EXOC6B: variants seen among roughly 807,000 people sequenced by gnomAD.
EXOC6B encodes exocyst complex component 6B, also known as SEC15 homolog B.
A neutral mutation model predicts 113.5 loss-of-function variants in EXOC6B; 54 were observed. The ratio of observed to expected loss-of-function variants is 0.48; its 90% CI spans 0.38 to 0.60. EXOC6B has a LOEUF of 0.60. Among genes scored for constraint, EXOC6B ranks in the 20% least tolerant of loss-of-function variants. The pLI is 0.00. For missense variants in EXOC6B, 797 were observed against 977.5 expected, an observed-to-expected ratio of 0.82 and a Z score of 2.46; for synonymous variants, 357 against 339.0, an observed-to-expected ratio of 1.05 and a Z score of -0.58.
At position 72,662,056 on chromosome 2, in the gene EXOC6B, AGAAG is replaced by A. The variant is rs1327886699; in HGVS notation, c.669+56043_669+56046del. ...AGGGGAGAAAGAAAGAAGAAAGGAA[AGAAG>A]GAAGGAAGGGAGGAAAGGGAGGGGG... On this transcript the variant is annotated intron_variant, in intron 6 of 21. Coordinates refer to ENST00000272427, the MANE Select transcript of EXOC6B (RefSeq NM_015189.3). Among the ~76,000 whole-genome samples, 9 of 130,394 alleles carry A rather than the reference AGAAG, an allele frequency of 6.9e-5. 1 individual carries two copies. The highest frequency in any genetic ancestry group is 2.5e-4 in the African/African-American group (9 of 35,778). 85.5% of individuals were successfully genotyped at this position (130,394 alleles called of 152,430 possible). A position where few individuals can be genotyped will look rare whatever the true frequency, so the allele number is the denominator to read the frequency against.
chr2:72,270,525 G>C (rs886622381), intron 20 of EXOC6B, among the ~76,000 whole-genome samples: 2 of 152,096 alleles, frequency 1.3e-5, no homozygotes, highest in African/African-American at 4.8e-5. Flanking sequence ...GAAACCTTCA[G>C]TGAAGTCCAT....
chr2:72,378,562 A>C (rs1314571340), intron 19 of EXOC6B, among the ~76,000 whole-genome samples: 1 of 152,188 alleles, frequency 6.6e-6, no homozygotes, highest in Non-Finnish European at 1.5e-5. Flanking sequence ...GTTTATGGCA[A>C]AAGGGTAACT....
At chr2:72,270,056 T>G (rs1234163045) in intron 20 of EXOC6B, among the ~76,000 whole-genome samples, 1 of 152,086 alleles carries the variant, frequency 6.6e-6, no homozygotes, top group Non-Finnish European at 1.5e-5. Context: ...CAACCCCTCA[T>G]ATCTTCCCAT....
chr2:72,671,783 G>GAAAGAAAGAA (rs1553464032), intron 6 of EXOC6B, among the ~76,000 whole-genome samples: 92 of 106,170 alleles, frequency 8.7e-4, no homozygotes, highest in African/African-American at 3.0e-3. Context: ...AAGAAAGAAA[G>GAAAGAAAGAA]AAAGAAAGAA....
At chr2:72,525,827 G>A (rs1701723359) in intron 8 of EXOC6B, among the ~76,000 whole-genome samples, 1 of 152,086 alleles carries the variant, frequency 6.6e-6, no homozygotes, top group Non-Finnish European at 1.5e-5. Context: ...CTAAGGGTAT[G>A]TGAGAACAGA....
At chr2:72,604,434 TC>T (rs1670624533) in intron 6 of EXOC6B, among the ~76,000 whole-genome samples, 1 of 152,216 alleles carries the variant, frequency 6.6e-6, no homozygotes. Flanking sequence ...TTGTGAGTGT[TC>T]TTTATGCACC....
At position 72,570,838 on chromosome 2, in the gene EXOC6B, C is replaced by T. The variant is rs139812936; in HGVS notation, c.846+4654G>A. On this transcript the variant is annotated intron_variant, in intron 7 of 21. Coordinates refer to ENST00000272427, the MANE Select transcript of EXOC6B (RefSeq NM_015189.3). Reference sequence around the variant, plus strand: ...ATGTTCATCAGTCCATGCAAATATACATTGTCAAAAATTAGATCAACTTAT... The same window carrying T: ...ATGTTCATCAGTCCATGCAAATATATATTGTCAAAAATTAGATCAACTTAT... Among the ~76,000 whole-genome samples, 779 of 152,182 alleles carry T rather than the reference C, an allele frequency of 5.1e-3. 11 individuals carry two copies. Among genetic ancestry groups the T allele is most frequent in the African/African-American group, 0.017 (720 of 41,526 alleles).
intron 21 of EXOC6B, among the ~76,000 whole-genome samples, chr2:72,181,533 C>T (rs942965448): frequency 1.3e-5 from 2 of 152,178 alleles, no homozygotes; most frequent in African/African-American, 4.8e-5. Flanking sequence ...ACATTAACAA[C>T]AACAGAAAAC....
chr2:72,562,153 C>A (rs1369763967), intron 7 of EXOC6B, among the ~76,000 whole-genome samples: 1 of 152,046 alleles, frequency 6.6e-6, no homozygotes, highest in African/African-American at 2.4e-5. Flanking sequence ...TTGCTTAGTG[C>A]GAGATGTGTT....
At chr2:72,635,755 A>C (rs563382982) in intron 6 of EXOC6B, among the ~76,000 whole-genome samples, 18 of 152,374 alleles carry the variant, frequency 1.2e-4, no homozygotes, top group African/African-American at 3.8e-4. Flanking sequence ...TAAAATAGAA[A>C]ACTACAAACC....
At chr2:72,280,062 C>A (rs1685040458) in intron 20 of EXOC6B, among the ~76,000 whole-genome samples, 1 of 152,270 alleles carries the variant, frequency 6.6e-6, no homozygotes, top group Admixed American at 6.5e-5. Flanking sequence ...ATACATTTTT[C>A]ATTTGTCTCA....
intron 6 of EXOC6B, among the ~76,000 whole-genome samples, chr2:72,655,674 C>T (rs535557338): frequency 2.6e-5 from 4 of 151,992 alleles, no homozygotes; most frequent in South Asian, 2.1e-4. Context: ...CAGTATCCAA[C>T]GCCTGGCAAT....
At chr2:72,808,606 CTAAT>C (rs537944068) in intron 1 of EXOC6B, among the ~76,000 whole-genome samples, 163 of 152,124 alleles carry the variant, frequency 1.1e-3, no homozygotes, top group African/African-American at 3.5e-3. Context: ...AACAAATAAA[CTAAT>C]TAATTAATTA....
intron 11 of EXOC6B, among the ~76,000 whole-genome samples, chr2:72,508,757 G>A (rs1356620114): frequency 6.6e-6 from 1 of 151,778 alleles, no homozygotes; most frequent in Non-Finnish European, 1.5e-5. Flanking sequence ...CTGGGTGACA[G>A]GCAAGACTCT....
intron 6 of EXOC6B, among the ~76,000 whole-genome samples, chr2:72,613,735 T>A (rs1671217025): frequency 6.6e-6 from 1 of 151,120 alleles, no homozygotes; most frequent in East Asian, 2.0e-4. Flanking sequence ...TATGTAAGCA[T>A]GCATGGAAGC....
chr2:72,189,040 C>T (rs957094209), intron 20 of EXOC6B, among the ~76,000 whole-genome samples: 2 of 152,106 alleles, frequency 1.3e-5, no homozygotes. Context: ...CTTATATAAT[C>T]ACAGTATAAT....
rs561481056 is a variant in EXOC6B, at chr2:72,500,914, A to G, written c.1168-942T>C. On this transcript the variant is annotated intron_variant, in intron 11 of 21. Transcript: ENST00000272427. ...ATTACTAACAGTTTTTGTTTTATAC[A>G]TATTGATGCTTCCTTATAAAAGGGC... Among the ~76,000 whole-genome samples, 429 of 152,248 alleles carry G rather than the reference A, an allele frequency of 2.8e-3. 2 individuals are homozygous for G. Among genetic ancestry groups the G allele is most frequent in the Non-Finnish European group, 4.6e-3 (314 of 67,996 alleles).
intron 6 of EXOC6B, among the ~76,000 whole-genome samples, chr2:72,609,970 T>C (rs1407030874): frequency 1.3e-5 from 2 of 152,096 alleles, no homozygotes; most frequent in Admixed American, 1.3e-4. Flanking sequence ...ATGTTTAAAG[T>C]GCTGAAGAAA....
intron 20 of EXOC6B, among the ~76,000 whole-genome samples, chr2:72,260,463 G>C (rs998984306): frequency 6.6e-6 from 1 of 152,240 alleles, no homozygotes; most frequent in Non-Finnish European, 1.5e-5. Flanking sequence ...CCTCTGTGAA[G>C]TTGTAAGCAA....
Sources: allele counts gnomAD v4.1 joint callset (sites outside exome capture counted in the v4.1 genomes callset), GRCh38; gene constraint gnomAD v4.1.1; transcripts MANE v1.5; gene names NCBI Gene and HGNC (gene_info 2026-07-23, HGNC 2026-07-21).